RPL35A: variants seen among roughly 807,000 people sequenced by gnomAD.
RPL35A encodes large ribosomal subunit protein eL33.
In RPL35A, 1 loss-of-function variant was observed where a neutral mutation model predicts 16.7. The ratio of observed to expected loss-of-function variants is 0.06; its 90% confidence interval spans 0.02 to 0.28. The LOEUF (loss-of-function observed/expected upper bound fraction) is 0.28, where lower values mean the gene tolerates loss of function less well. Ranked by LOEUF, RPL35A falls within the 10% of genes least tolerant of loss-of-function variation. The probability of loss-of-function intolerance (pLI) is 1.00; values close to 1 mark genes in which losing one functional copy is unlikely to be tolerated. For synonymous variants in RPL35A, 58 were observed against 47.0 expected, an observed-to-expected ratio of 1.23 and a Z score of -0.96; for missense variants, 91 against 138.7, an observed-to-expected ratio of 0.66 and a Z score of 1.73.
At chr3:197,950,818 G>A in intron 1 of RPL35A, 118 bp from the exon 2 acceptor site, 2 of 842,300 alleles carry the variant, frequency 2.4e-6, no homozygotes, top group Non-Finnish European at 3.9e-6. Flanking sequence ...TGTTGTCCCC[G>A]AACTCCTACA....
rs1720478935 is a variant in RPL35A, at chr3:197,955,746, G to A, written c.310-4G>A. 2 of 1,602,298 alleles carry A rather than the reference G, an allele frequency of 1.2e-6. No homozygotes were observed. The highest frequency in any genetic ancestry group is 1.7e-6 in the Non-Finnish European group (2 of 1,171,220). On this transcript the variant is annotated splice_polypyrimidine_tract_variant and splice_region_variant and intron_variant, in intron 4 of 4. Transcript: ENST00000647248. The stretch of plus-strand genomic sequence containing the variant: ...TAATGTTTTGTGTTCTTTTTTCCCT[G>A]CAGATGCTGTACCCCTCAAGGATTT...
intron 3 of RPL35A, 113 bp from the exon 4 acceptor site, chr3:197,953,888 TTC>T: frequency 1.0e-6 from 1 of 954,312 alleles, no homozygotes; most frequent in Non-Finnish European, 1.7e-6. Flanking sequence ...CATTTAAAGT[TTC>T]TCAGGTGATG....
chr3:197,951,510 G>A (rs1720083610), intron 3 of RPL35A, 199 bp downstream of exon 3: 2 of 583,708 alleles, frequency 3.4e-6, no homozygotes, highest in Non-Finnish European at 6.1e-6. Flanking sequence ...CGGCCACCAC[G>A]CCCGGCTAGT....
At chr3:197,953,349 C>G in intron 3 of RPL35A, 2 of 436,700 alleles carry the variant, frequency 4.6e-6, no homozygotes, top group South Asian at 3.3e-5. Flanking sequence ...GTACTGCAGC[C>G]TGGGTGACAA....
chr3:197,954,982 T>C (rs1296481636), intron 4 of RPL35A, among the ~76,000 whole-genome samples: 2 of 152,214 alleles, frequency 1.3e-5, no homozygotes, highest in East Asian at 3.9e-4. Context: ...AAACAGACTC[T>C]CATGTTCCTA....
intron 4 of RPL35A, among the ~76,000 whole-genome samples, chr3:197,955,149 G>A (rs999497501): frequency 3.3e-5 from 5 of 152,086 alleles, no homozygotes; most frequent in African/African-American, 1.2e-4. Flanking sequence ...ATGTATTCTT[G>A]GGGCCAGGGG....
At chr3:197,952,335 A>G (rs1392198212) in intron 3 of RPL35A, among the ~76,000 whole-genome samples, 2 of 151,108 alleles carry the variant, frequency 1.3e-5, no homozygotes, top group African/African-American at 2.4e-5. Flanking sequence ...ATGCCTGTCT[A>G]ATTTTTGTAT....
At chr3:197,954,190 C>T (rs1181968781) in intron 4 of RPL35A, 43 bp downstream of exon 4, 6 of 1,608,174 alleles carry the variant, frequency 3.7e-6, no homozygotes, top group Admixed American at 3.3e-5. Flanking sequence ...ATGAATCAGA[C>T]TAGGTTCAAG....
At chr3:197,954,268 A>AT (rs1471138834) in intron 4 of RPL35A, 121 bp downstream of exon 4, 2 of 939,356 alleles carry the variant, frequency 2.1e-6, no homozygotes, top group African/African-American at 3.3e-5. Context: ...ATGCTGCAAA[A>AT]TTTGTGTATT....
chr3:197,952,941 C>G (rs1220833422), intron 3 of RPL35A, among the ~76,000 whole-genome samples: 1 of 151,792 alleles, frequency 6.6e-6, no homozygotes, highest in Admixed American at 6.6e-5. Context: ...GCTGGGATTA[C>G]AGGCGCGCAC....
chr3:197,950,566 G>T (rs1013451379), intron 1 of RPL35A: 36 of 333,192 alleles, frequency 1.1e-4, no homozygotes, highest in Admixed American at 1.4e-4. Flanking sequence ...TCTTTCCTCA[G>T]CTTTTCTCCC....
chr3:197,951,207 C>T lies in RPL35A; in HGVS notation c.60C>T (p.Asn20=). The part of the protein sequence containing the change: ...IFAGYKRGLR[N]QREHTALLKI... The stretch of plus-strand genomic sequence containing the variant: ...CTGGCTATAAGCGGGGTCTCCGGAA[C>T]CAAAGGGAGCACACAGCTCTTCTTA... Residue 20 remains asparagine (N), a synonymous_variant, in exon 3 of 5, where the codon AAC becomes AAT. Transcript: ENST00000647248. 6.2e-7 allele frequency: 1 copy of T among 1,614,084 alleles called. No homozygotes were observed. Among genetic ancestry groups the T allele is most frequent in the Non-Finnish European group, 8.5e-7 (1 of 1,180,010 alleles).
At chr3:197,953,537 C>T (rs1560122702) in intron 3 of RPL35A, 3 of 457,294 alleles carry the variant, frequency 6.6e-6, no homozygotes, top group Non-Finnish European at 1.3e-5. Context: ...CCAGGACACA[C>T]ACTCCTTGGC....
Position 197,950,796 on chromosome 3 carries a change from A to T in RPL35A, c.-32-140A>T, listed in dbSNP as rs1052460278. 16 of 701,282 alleles carry T rather than the reference A, an allele frequency of 2.3e-5. No homozygotes were observed. The East Asian group carries it at 4.0e-4, about 18-fold the overall frequency. 43.4% of individuals were successfully genotyped at this position (701,282 alleles called of 1,614,324 possible). The stretch of plus-strand genomic sequence containing the variant: ...TTGCCGGACCCTGCGTTTCATATGG[A>T]TGTTCTGGCATTGTTGTCCCCGAAC... On this transcript the variant is annotated intron_variant, in intron 1 of 4. Coordinates refer to ENST00000647248, the MANE Select transcript of RPL35A (RefSeq NM_000996.4).
intron 3 of RPL35A, chr3:197,953,691 C>A: frequency 2.3e-6 from 1 of 443,174 alleles, no homozygotes; most frequent in South Asian, 1.9e-5. Context: ...ACACAAATAT[C>A]CTCACACTTG....
intron 2 of RPL35A, 67 bp from the exon 3 acceptor site, chr3:197,951,092 G>C (rs1000603970): frequency 6.2e-7 from 1 of 1,607,678 alleles, no homozygotes; most frequent in African/African-American, 1.3e-5. Context: ...TTTTGGGTGG[G>C]GGTGATTACA....
intron 2 of RPL35A, 46 bp from the exon 3 acceptor site, chr3:197,951,113 G>GT (rs777027307): frequency 5.6e-6 from 9 of 1,613,594 alleles, no homozygotes; most frequent in Non-Finnish European, 7.6e-6. Context: ...AGTCAGATTG[G>GT]TTTTTTGAAG....
chr3:197,951,399 G>A (rs1032515861), intron 3 of RPL35A, 88 bp downstream of exon 3: 132 of 1,430,332 alleles, frequency 9.2e-5, no homozygotes, highest in Middle Eastern at 1.7e-4. Flanking sequence ...TGTTGCCGAG[G>A]CTGGAATGCA....
intron 1 of RPL35A, chr3:197,950,710 T>C (rs1423385184): frequency 1.7e-6 from 1 of 572,658 alleles, no homozygotes; most frequent in Non-Finnish European, 3.1e-6. Context: ...TCCTGTCCCT[T>C]AGTTTTGTCT....
Sources: allele counts gnomAD v4.1 joint callset (sites outside exome capture counted in the v4.1 genomes callset), GRCh38; gene constraint gnomAD v4.1.1; transcripts MANE v1.5; gene names NCBI Gene and HGNC (gene_info 2026-07-23, HGNC 2026-07-21).